Variants in HDAC9 observed in about 807,000 individuals in gnomAD.
HDAC9 encodes histone deacetylase 9.
A neutral mutation model predicts 139.4 loss-of-function variants in HDAC9; 41 were observed. The ratio of observed to expected loss-of-function variants is 0.29; its 90% confidence interval spans 0.23 to 0.38. HDAC9 has a LOEUF of 0.38. Among genes scored for constraint, HDAC9 ranks in the 10% least tolerant of loss-of-function variants. HDAC9 has a pLI of 1.00. For synonymous variants in HDAC9, 517 were observed against 476.2 expected (o/e 1.09, Z -1.12); for missense variants, 1,147 against 1,297.0 (o/e 0.88, Z 1.78).
chr7:18,797,899 C>A (rs544451276), intron 17 of HDAC9, among the ~76,000 whole-genome samples: 10 of 151,670 alleles, frequency 6.6e-5, no homozygotes, highest in East Asian at 1.9e-4. Flanking sequence ...AAAAATGGAA[C>A]CTTATCGAAT....
chr7:18,745,930 G>A (rs1787932141), intron 13 of HDAC9, among the ~76,000 whole-genome samples: 1 of 126,458 alleles, frequency 7.9e-6, no homozygotes, highest in Non-Finnish European at 1.6e-5. Context: ...CTCACCCTGT[G>A]GCCCAGGCTG....
intron 12 of HDAC9, chr7:18,666,747 A>G (rs1388952991): frequency 1.6e-6 from 2 of 1,252,494 alleles, no homozygotes; most frequent in African/African-American, 3.1e-5. Context: ...ATGATACATA[A>G]TATCTGAGCA....
chr7:18,713,026 T>C (rs1784453837), intron 12 of HDAC9, among the ~76,000 whole-genome samples: 1 of 152,178 alleles, frequency 6.6e-6, no homozygotes. Flanking sequence ...TATTATCCAT[T>C]TGTTCTTTGT....
chr7:18,444,058 A>G (rs186936226), intron 1 of HDAC9, among the ~76,000 whole-genome samples: 6 of 152,034 alleles, frequency 3.9e-5, no homozygotes, highest in East Asian at 3.9e-4. Context: ...GTGATTTGCA[A>G]CTGGGCATGG....
intron 23 of HDAC9, among the ~76,000 whole-genome samples, chr7:18,946,014 G>T (rs1782364558): frequency 9.0e-6 from 1 of 110,896 alleles, no homozygotes; most frequent in African/African-American, 3.5e-5. Flanking sequence ...TCCAGCCTGG[G>T]TGATAGTACA....
In HDAC9 at chr7:18,415,583, G is replaced by A. The variant is rs561580204; in HGVS notation, c.-41-80679G>A. On this transcript the variant is annotated intron_variant, in intron 1 of 3. Coordinates refer to the HDAC9 transcript ENST00000413509. ...TTTTTCTCATGATAATAATGAGAGG[G>A]AAAATTTATTCTGCTCAAAGAATGA... Among the ~76,000 whole-genome samples the A allele has an allele frequency of 1.4e-4, 22 of 152,318 alleles. 1 individual carries two copies. The South Asian group carries it at 4.6e-3, about 32-fold the overall frequency.
At chr7:18,459,944 C>G (rs901872559) in intron 1 of HDAC9, among the ~76,000 whole-genome samples, 2 of 129,360 alleles carry the variant, frequency 1.5e-5, no homozygotes, top group African/African-American at 5.7e-5. Context: ...TACAGATTTG[C>G]TTTTTTTTTT....
intron 23 of HDAC9, 143 bp downstream of exon 23, chr7:18,936,085 G>A (rs1204589349): frequency 1.3e-6 from 1 of 764,928 alleles, no homozygotes; most frequent in African/African-American, 1.8e-5. Flanking sequence ...CCTTAGATAA[G>A]TTTACATGTT....
intron 1 of HDAC9, among the ~76,000 whole-genome samples, chr7:18,381,560 C>T (rs1211699447): frequency 6.6e-6 from 1 of 151,868 alleles, no homozygotes; most frequent in Non-Finnish European, 1.5e-5. Context: ...TAATGTATGG[C>T]ATAGGACAAA....
rs2066840535 is a variant in HDAC9 at position 18,714,788 on chromosome 7, G to A, written c.1732-12792G>A. Among the ~76,000 whole-genome samples, 2 of 152,064 alleles carry A rather than the reference G, an allele frequency of 1.3e-5. 1 individual carries two copies. The highest frequency in any genetic ancestry group is 2.9e-5 in the Non-Finnish European group (2 of 68,022). The stretch of plus-strand genomic sequence containing the variant: ...TTTGTGTGGAACTGGGTGAATATTT[G>A]TCTCCCTCACCAGATTGTAAATTCA... On this transcript the variant is annotated intron_variant, in intron 12 of 25. Transcript: ENST00000686413.
intron 1 of HDAC9, among the ~76,000 whole-genome samples, chr7:18,295,611 G>A (rs539575952): frequency 6.6e-6 from 1 of 152,042 alleles, no homozygotes; most frequent in Non-Finnish European, 1.5e-5. Context: ...AACTATGCTG[G>A]TCTAAACTTA....
chr7:18,992,258 T>C (rs1306706327), intron 25 of HDAC9, among the ~76,000 whole-genome samples: 2 of 152,218 alleles, frequency 1.3e-5, no homozygotes, highest in Non-Finnish European at 1.5e-5. Flanking sequence ...CCAGTGTCCA[T>C]TATTGGGAGA....
intron 1 of HDAC9, among the ~76,000 whole-genome samples, chr7:18,127,639 A>T (rs1784750432): frequency 6.6e-6 from 1 of 152,110 alleles, no homozygotes; most frequent in Admixed American, 6.6e-5. Context: ...TTCAGTGATT[A>T]TATTTTTCAA....
chr7:18,749,241 A>G, intron 14 of HDAC9, 103 bp downstream of exon 14: 1 of 1,173,924 alleles, frequency 8.5e-7, no homozygotes, highest in African/African-American at 1.5e-5. Flanking sequence ...CATATAGTGC[A>G]AACACCATGA....
intron 2 of HDAC9, among the ~76,000 whole-genome samples, chr7:18,234,580 C>G (rs1190559573): frequency 6.6e-6 from 1 of 152,038 alleles, no homozygotes; most frequent in Admixed American, 6.6e-5. Context: ...ATTAGGAATC[C>G]GAGGCATAGC....
intron 1 of HDAC9, among the ~76,000 whole-genome samples, chr7:18,378,831 G>T (rs1281367137): frequency 6.6e-6 from 1 of 151,964 alleles, no homozygotes; most frequent in Non-Finnish European, 1.5e-5. Flanking sequence ...TATAGCAAAG[G>T]GAGCTTGTTT....
At chr7:18,713,622 A>T (rs975857113) in intron 12 of HDAC9, among the ~76,000 whole-genome samples, 1 of 152,136 alleles carries the variant, frequency 6.6e-6, no homozygotes, top group African/African-American at 2.4e-5. Flanking sequence ...TAGGGCATTT[A>T]TGCAAGAAGA....
chr7:18,357,706 G>A (rs1783432320), intron 1 of HDAC9, among the ~76,000 whole-genome samples: 1 of 152,130 alleles, frequency 6.6e-6, no homozygotes, highest in South Asian at 2.1e-4. Context: ...ACCACATAAA[G>A]GATTGGGCAA....
At position 18,884,507 on chromosome 7, in the gene HDAC9, A is replaced by G. The variant is rs948146350; in HGVS notation, c.2803+9911A>G. Among the ~76,000 whole-genome samples the G allele has an allele frequency of 4.6e-5, 7 of 152,330 alleles. No homozygotes were observed. The East Asian group carries it at 1.3e-3, about 29-fold the overall frequency. On this transcript the variant is annotated intron_variant, in intron 22 of 25. Transcript: ENST00000686413. ...AGATATCCAAATGCAGAGGAATGAAATTAGACCCTCGTCTTATACCATGTA... is the reference window on the plus strand; with the variant it reads ...AGATATCCAAATGCAGAGGAATGAAGTTAGACCCTCGTCTTATACCATGTA...
Sources: gnomAD v4.1 joint callset for allele counts (sites outside exome capture counted in the v4.1 genomes callset) on GRCh38, gnomAD v4.1.1 for gene constraint, MANE v1.5 for transcripts, NCBI Gene and HGNC (gene_info 2026-07-23, HGNC 2026-07-21) for gene names.